BNC2: variants seen among roughly 807,000 people sequenced by gnomAD.
BNC2 encodes basonuclin zinc finger protein 2, also known as zinc finger protein basonuclin-2.
In BNC2, 20 loss-of-function variants were observed where a neutral mutation model predicts 76.3. That is an observed-to-expected ratio of 0.26 (90% CI 0.18 to 0.38). The LOEUF (loss-of-function observed/expected upper bound fraction) is 0.38. Among genes scored for constraint, BNC2 ranks in the 10% least tolerant of loss-of-function variants. BNC2 has a pLI of 1.00. For synonymous variants in BNC2, 582 were observed against 514.8 expected, an observed-to-expected ratio of 1.13 and a Z score of -1.77; for missense variants, 1,382 against 1,399.8, an observed-to-expected ratio of 0.99 and a Z score of 0.20.
intron 1 of BNC2, among the ~76,000 whole-genome samples, chr9:16,791,793 A>G (rs987013049): frequency 9.2e-5 from 14 of 152,292 alleles, no homozygotes; most frequent in African/African-American, 3.1e-4. Context: ...AAAATAGATT[A>G]AAAAGTACTT....
chr9:16,517,098 C>A (rs1262300265), intron 5 of BNC2, among the ~76,000 whole-genome samples: 1 of 152,156 alleles, frequency 6.6e-6, no homozygotes, highest in Non-Finnish European at 1.5e-5. Context: ...GGACTAACAA[C>A]ATTCCCCCAT....
At chr9:16,524,286 T>C (rs1033040093) in intron 5 of BNC2, among the ~76,000 whole-genome samples, 1 of 152,212 alleles carries the variant, frequency 6.6e-6, no homozygotes, top group African/African-American at 2.4e-5. Context: ...AGACACCAGA[T>C]TTAACCTGAG....
intron 3 of BNC2, among the ~76,000 whole-genome samples, chr9:16,724,416 C>A (rs73646206): frequency 0.036 from 5,491 of 152,052 alleles, 346 homozygotes; most frequent in African/African-American, 0.13. Context: ...AAATAAGGTT[C>A]TTTCTCCACC....
At chr9:16,447,457 C>T (rs75432724) in intron 5 of BNC2, among the ~76,000 whole-genome samples, 2,807 of 152,086 alleles carry the variant, frequency 0.018, 58 homozygotes, top group Non-Finnish European at 0.022. Flanking sequence ...AATGTTAAAA[C>T]CCTTTTACTT....
chr9:16,814,378 G>A (rs547115300), intron 1 of BNC2, among the ~76,000 whole-genome samples: 4 of 152,236 alleles, frequency 2.6e-5, no homozygotes, highest in African/African-American at 9.6e-5. Flanking sequence ...TTATACAACA[G>A]ACGTTTTCCT....
intron 6 of BNC2, chr9:16,431,364 T>A (rs937531434): frequency 2.4e-6 from 1 of 409,310 alleles, no homozygotes; most frequent in Non-Finnish European, 5.4e-6. Flanking sequence ...AAAAATCAAG[T>A]CAGAGTATGA....
At chr9:16,490,373 G>C (rs982426436) in intron 5 of BNC2, among the ~76,000 whole-genome samples, 3 of 152,018 alleles carry the variant, frequency 2.0e-5, no homozygotes, top group Non-Finnish European at 2.9e-5. Flanking sequence ...GGAACGACCA[G>C]CCCCCATGAT....
At chr9:16,467,773 G>A (rs1821725225) in intron 5 of BNC2, among the ~76,000 whole-genome samples, 1 of 140,908 alleles carries the variant, frequency 7.1e-6, no homozygotes, top group African/African-American at 2.7e-5. Context: ...CATGGCACAT[G>A]TATACATATG....
At chr9:16,542,605 G>T (rs1366048704) in intron 5 of BNC2, among the ~76,000 whole-genome samples, 1 of 152,176 alleles carries the variant, frequency 6.6e-6, no homozygotes, top group Admixed American at 6.5e-5. Flanking sequence ...AATCACTAGT[G>T]ACTTCCCTAA....
chr9:16,662,461 C>T (rs191757056), intron 3 of BNC2, among the ~76,000 whole-genome samples: 1 of 152,146 alleles, frequency 6.6e-6, no homozygotes, highest in Non-Finnish European at 1.5e-5. Flanking sequence ...CCGGGCTGAG[C>T]GTAGTGGCTC....
intron 1 of BNC2, among the ~76,000 whole-genome samples, chr9:16,823,079 A>T (rs549236475): frequency 1.3e-5 from 2 of 152,292 alleles, no homozygotes; most frequent in Admixed American, 6.5e-5. Flanking sequence ...CTATCAAATC[A>T]GTCTTCTTCA....
intron 3 of BNC2, among the ~76,000 whole-genome samples, chr9:16,725,034 AATC>A (rs1164336420): frequency 6.6e-6 from 1 of 152,138 alleles, no homozygotes; most frequent in Non-Finnish European, 1.5e-5. Context: ...AAATAATCAT[AATC>A]TAGAGAAACC....
intron 1 of BNC2, among the ~76,000 whole-genome samples, chr9:16,844,659 C>T (rs956193357): frequency 2.6e-5 from 4 of 151,932 alleles, no homozygotes; most frequent in East Asian, 1.9e-4. Flanking sequence ...CCACCACGCC[C>T]GGCTAATTTT....
At chr9:16,730,566 C>G (rs1824476080) in intron 2 of BNC2, among the ~76,000 whole-genome samples, 1 of 152,100 alleles carries the variant, frequency 6.6e-6, no homozygotes, top group African/African-American at 2.4e-5. Context: ...AAAATCAATA[C>G]AGTCTGTACA....
At position 16,418,900 on chromosome 9, in the gene BNC2, C is replaced by CA. The variant is rs1275778940; in HGVS notation, c.*88_*89insT. 37 of 1,417,060 alleles carry CA rather than the reference C, an allele frequency of 2.6e-5. No individual in the cohort carries two copies. Among genetic ancestry groups the CA allele is most frequent in the African/African-American group, 4.3e-5 (3 of 70,252 alleles). The allele number at this position is 1,417,060 out of a possible 1,614,324, so 87.8% of individuals were successfully genotyped here. ...ACACACACACACACACACACACACACCCCAAGTACATAAGCGCACACTGAC... is the reference window on the plus strand; with the variant it reads ...ACACACACACACACACACACACACACACCCAAGTACATAAGCGCACACTGAC... On this transcript the variant is annotated 3_prime_UTR_variant, in exon 7 of 7. Transcript: ENST00000380672.
At chr9:16,742,748 A>AT (rs1389410064) in intron 1 of BNC2, among the ~76,000 whole-genome samples, 1 of 152,220 alleles carries the variant, frequency 6.6e-6, no homozygotes, top group East Asian at 1.9e-4. Context: ...TCCCTACAGT[A>AT]TATTAGAAAA....
intron 1 of BNC2, among the ~76,000 whole-genome samples, chr9:16,838,576 C>G (rs912977997): frequency 1.3e-5 from 2 of 152,044 alleles, no homozygotes; most frequent in Non-Finnish European, 2.9e-5. Flanking sequence ...AAAAGAAATG[C>G]GAGTTGTTAC....
chr9:16,548,898 T>C (rs1181735436), intron 5 of BNC2, among the ~76,000 whole-genome samples: 3 of 152,250 alleles, frequency 2.0e-5, no homozygotes, highest in African/African-American at 7.2e-5. Context: ...ACTTCTTAAG[T>C]AGTTGTAGTC....
chr9:16,709,776 A>G (rs1823781335), intron 3 of BNC2, among the ~76,000 whole-genome samples: 1 of 152,218 alleles, frequency 6.6e-6, no homozygotes, highest in South Asian at 2.1e-4. Flanking sequence ...GATCAGACTT[A>G]AATTTTCAAA....
Sources: allele counts gnomAD v4.1 joint callset (sites outside exome capture counted in the v4.1 genomes callset), GRCh38; gene constraint gnomAD v4.1.1; transcripts MANE v1.5; gene names NCBI Gene and HGNC (gene_info 2026-07-23, HGNC 2026-07-21).